The following ANKRD44 variants were observed in gnomAD, a reference collection of about 807,000 sequenced individuals.
ANKRD44 encodes ankyrin repeat domain 44.
A neutral mutation model predicts 116.0 loss-of-function variants in ANKRD44; 35 were observed. The observed-to-expected ratio is 0.30, with a 90% CI of 0.23 to 0.40. ANKRD44 has a LOEUF of 0.40. Ranked by LOEUF, ANKRD44 falls within the 10% of genes least tolerant of loss-of-function variation. The probability of loss-of-function intolerance (pLI) is 1.00; values close to 1 mark genes in which losing one functional copy is unlikely to be tolerated. For missense variants in ANKRD44, 1,014 were observed against 1,242.6 expected (o/e 0.82, Z 2.77); for synonymous variants, 435 against 461.8 (o/e 0.94, Z 0.74).
chr2:197,015,984 G>A, intron 17 of ANKRD44: 1 of 542,090 alleles, frequency 1.8e-6, no homozygotes. Flanking sequence ...TCTGGTGGTG[G>A]AAGTGGTGGA....
chr2:197,204,181 AGGAAAATGT>A (rs2081154264), intron 1 of ANKRD44, among the ~76,000 whole-genome samples: 1 of 152,212 alleles, frequency 6.6e-6, no homozygotes, highest in Non-Finnish European at 1.5e-5. Flanking sequence ...TAATGAGATG[AGGAAAATGT>A]GGAAAAAAAG....
intron 3 of ANKRD44, among the ~76,000 whole-genome samples, chr2:197,142,752 G>T (rs115768711): frequency 1.0e-3 from 152 of 152,206 alleles, no homozygotes; most frequent in African/African-American, 3.6e-3. Flanking sequence ...AGAATGATGT[G>T]CCCCCAGCTC....
At chr2:197,001,610 A>C in intron 22 of ANKRD44, 143 bp downstream of exon 22, 1 of 575,108 alleles carries the variant, frequency 1.7e-6, no homozygotes, top group Non-Finnish European at 3.0e-6. Context: ...TTTTGCTATC[A>C]GATCTACTTG....
At chr2:197,060,058 C>T (rs2077278215) in intron 16 of ANKRD44, among the ~76,000 whole-genome samples, 4 of 152,138 alleles carry the variant, frequency 2.6e-5, no homozygotes, top group Non-Finnish European at 5.9e-5. Flanking sequence ...ACATGCTGTC[C>T]CCTAAAGTCT....
chr2:197,185,371 C>T (rs2080629038), intron 2 of ANKRD44, among the ~76,000 whole-genome samples: 2 of 152,210 alleles, frequency 1.3e-5, no homozygotes, highest in African/African-American at 2.4e-5. Flanking sequence ...CACCAAATGA[C>T]TCGCCTTCTG....
intron 1 of ANKRD44, among the ~76,000 whole-genome samples, chr2:197,252,389 AAT>A (rs201391834): frequency 2.1e-5 from 3 of 145,070 alleles, no homozygotes; most frequent in African/African-American, 7.6e-5. Context: ...TTGCATCCTG[AAT>A]ATATATATAT....
intron 21 of ANKRD44, among the ~76,000 whole-genome samples, chr2:196,968,055 G>A (rs190139526): frequency 7.9e-5 from 12 of 152,160 alleles, no homozygotes; most frequent in East Asian, 1.9e-4. Context: ...CCACACTTCC[G>A]GTAAAGCCTG....
intron 16 of ANKRD44, among the ~76,000 whole-genome samples, chr2:197,027,762 C>T (rs1471218425): frequency 2.0e-5 from 3 of 148,842 alleles, no homozygotes; most frequent in Non-Finnish European, 3.0e-5. Flanking sequence ...TTTCAGCCTA[C>T]AGCAGCCTCA....
At chr2:197,021,786 G>A (rs1160291522) in intron 17 of ANKRD44, among the ~76,000 whole-genome samples, 1 of 152,084 alleles carries the variant, frequency 6.6e-6, no homozygotes, top group African/African-American at 2.4e-5. Flanking sequence ...TAGCAACTAC[G>A]AAAGACAACT....
chr2:197,279,475 G>A (rs185986326), intron 1 of ANKRD44, among the ~76,000 whole-genome samples: 12 of 152,114 alleles, frequency 7.9e-5, no homozygotes, highest in Admixed American at 2.6e-4. Flanking sequence ...ACTCCTTAGC[G>A]GGTTTTCACA....
At chr2:197,302,149 AGGAAGAGGTGGAC>A in intron 1 of ANKRD44, 1 of 153,206 alleles carries the variant, frequency 6.5e-6, no homozygotes, top group East Asian at 1.9e-4. Flanking sequence ...CCAAGGAGCC[AGGAAGAGGTGGAC>A]AGCAGACAAG....
intron 2 of ANKRD44, among the ~76,000 whole-genome samples, chr2:197,165,630 T>C (rs2080086110): frequency 6.6e-6 from 1 of 152,196 alleles, no homozygotes; most frequent in South Asian, 2.1e-4. Flanking sequence ...AGATGATGGA[T>C]AAGTTAGTCA....
intron 1 of ANKRD44, among the ~76,000 whole-genome samples, chr2:197,252,439 C>G (rs929236129): frequency 6.6e-6 from 1 of 150,570 alleles, no homozygotes; most frequent in Non-Finnish European, 1.5e-5. Context: ...GAGTCGGAGT[C>G]TCTGTCGCCC....
intron 2 of ANKRD44, among the ~76,000 whole-genome samples, chr2:197,172,890 C>T (rs1286703565): frequency 6.6e-6 from 1 of 152,052 alleles, no homozygotes; most frequent in African/African-American, 2.4e-5. Context: ...TCTTATAGTC[C>T]CAACCCCTAG....
chr2:197,195,563 T>C (rs1328593019), intron 1 of ANKRD44, among the ~76,000 whole-genome samples: 2 of 152,222 alleles, frequency 1.3e-5, no homozygotes, highest in Non-Finnish European at 2.9e-5. Flanking sequence ...TATTCCTGGA[T>C]GCAATTTTGG....
chr2:197,077,367 A>T (rs1281657532), intron 16 of ANKRD44, among the ~76,000 whole-genome samples: 2 of 152,106 alleles, frequency 1.3e-5, no homozygotes, highest in African/African-American at 2.4e-5. Context: ...CTCCTTTCAG[A>T]ACCCTTTCCT....
At chr2:197,147,253 A>G (rs1168405645) in intron 2 of ANKRD44, 148 bp from the exon 3 acceptor site, 1 of 632,250 alleles carries the variant, frequency 1.6e-6, no homozygotes, top group African/African-American at 1.8e-5. Context: ...CTGGTTATGC[A>G]TTTTCTCTCA....
At chr2:197,275,393 G>A (rs2083045788) in intron 1 of ANKRD44, among the ~76,000 whole-genome samples, 1 of 137,498 alleles carries the variant, frequency 7.3e-6, no homozygotes, top group African/African-American at 2.8e-5. Flanking sequence ...GCGATTACAG[G>A]CATAAGCCAC....
chr2:197,088,109 A>G (rs1043130894), intron 12 of ANKRD44, among the ~76,000 whole-genome samples: 2 of 152,228 alleles, frequency 1.3e-5, no homozygotes, highest in African/African-American at 4.8e-5. Flanking sequence ...GTGGTCACAT[A>G]TATCAATGAC....
Sources: allele counts gnomAD v4.1 joint callset (sites outside exome capture counted in the v4.1 genomes callset), GRCh38; gene constraint gnomAD v4.1.1; transcripts MANE v1.5; gene names NCBI Gene and HGNC (gene_info 2026-07-23, HGNC 2026-07-21).